Variants in CTNNA3 observed in about 807,000 individuals in gnomAD.
The protein encoded by CTNNA3 is catenin alpha 3.
CTNNA3 carries 76 observed loss-of-function variants against 95.7 expected under a neutral mutation model. That is an observed-to-expected ratio of 0.79 (90% CI 0.66 to 0.96). CTNNA3 has a LOEUF of 0.96. CTNNA3 is among the 40% of genes least tolerant of loss of function. CTNNA3 has a pLI of 0.00. For synonymous variants in CTNNA3, 431 were observed against 374.4 expected (o/e 1.15, Z -1.74); for missense variants, 1,191 against 1,089.8 (o/e 1.09, Z -1.31).
chr10:66,517,208 G>A (rs1840892861), intron 11 of CTNNA3, among the ~76,000 whole-genome samples: 1 of 152,012 alleles, frequency 6.6e-6, no homozygotes, highest in Admixed American at 6.6e-5. Context: ...GTGACACAGA[G>A]AGACTCTGTC....
intron 5 of CTNNA3, among the ~76,000 whole-genome samples, chr10:67,267,412 T>C (rs908071968): frequency 6.6e-6 from 1 of 152,212 alleles, no homozygotes; most frequent in African/African-American, 2.4e-5. Flanking sequence ...TTGCCCAGGC[T>C]GGAGTGCAGT....
At chr10:66,372,479 C>A (rs1417270206) in intron 12 of CTNNA3, among the ~76,000 whole-genome samples, 4 of 152,116 alleles carry the variant, frequency 2.6e-5, no homozygotes, top group Non-Finnish European at 5.9e-5. Context: ...ACAGCATGTT[C>A]CCATTCTCTG....
chr10:67,120,613 G>C (rs965924509), intron 7 of CTNNA3, among the ~76,000 whole-genome samples: 1 of 151,902 alleles, frequency 6.6e-6, no homozygotes, highest in Non-Finnish European at 1.5e-5. Context: ...GAAAATAAAA[G>C]ACTCAATATT....
At chr10:66,581,116 T>C (rs75566257) in intron 10 of CTNNA3, among the ~76,000 whole-genome samples, 1 of 151,766 alleles carries the variant, frequency 6.6e-6, no homozygotes, top group African/African-American at 2.4e-5. Context: ...CATGATAACA[T>C]ACATCACATT....
intron 13 of CTNNA3, among the ~76,000 whole-genome samples, chr10:66,190,484 G>A (rs1052082808): frequency 6.6e-6 from 1 of 152,110 alleles, no homozygotes; most frequent in Non-Finnish European, 1.5e-5. Flanking sequence ...CTTATGGTCT[G>A]AGTGGACTAG....
At chr10:67,710,456 G>C (rs1317278274) in intron 1 of CTNNA3, among the ~76,000 whole-genome samples, 1 of 152,158 alleles carries the variant, frequency 6.6e-6, no homozygotes, top group Non-Finnish European at 1.5e-5. Context: ...AGGAATGTGA[G>C]CTAGAAACCC....
intron 5 of CTNNA3, among the ~76,000 whole-genome samples, chr10:67,406,986 G>A (rs1232336059): frequency 1.3e-5 from 2 of 152,108 alleles, no homozygotes; most frequent in Non-Finnish European, 2.9e-5. Context: ...CTCTACCAGA[G>A]GTACAAAGAA....
At chr10:66,634,247 T>C (rs561186067) in intron 9 of CTNNA3, among the ~76,000 whole-genome samples, 65 of 152,174 alleles carry the variant, frequency 4.3e-4, no homozygotes, top group Non-Finnish European at 8.2e-4. Context: ...ATGACACTTA[T>C]TGCGAAGCCT....
intron 5 of CTNNA3, among the ~76,000 whole-genome samples, chr10:67,268,495 C>T (rs1438474409): frequency 6.6e-6 from 1 of 152,054 alleles, no homozygotes; most frequent in African/African-American, 2.4e-5. Flanking sequence ...CACTGGGCAA[C>T]AAAGGGAGAC....
At chr10:66,763,420 A>G (rs1839700895) in intron 9 of CTNNA3, among the ~76,000 whole-genome samples, 1 of 151,920 alleles carries the variant, frequency 6.6e-6, no homozygotes, top group Non-Finnish European at 1.5e-5. Flanking sequence ...TATGCCTAAA[A>G]ATCATTTTTA....
At chr10:67,222,440 C>T (rs1864705919) in intron 5 of CTNNA3, among the ~76,000 whole-genome samples, 2 of 152,130 alleles carry the variant, frequency 1.3e-5, no homozygotes, top group African/African-American at 2.4e-5. Context: ...CTTCTGCCGA[C>T]CCTCTCACAA....
At chr10:67,376,615 A>G (rs562740566) in intron 5 of CTNNA3, among the ~76,000 whole-genome samples, 1 of 152,212 alleles carries the variant, frequency 6.6e-6, no homozygotes, top group Non-Finnish European at 1.5e-5. Context: ...TAATTGACCC[A>G]CTGTTCACAC....
intron 1 of CTNNA3, among the ~76,000 whole-genome samples, chr10:67,715,057 A>G (rs866423919): frequency 1.3e-5 from 2 of 152,214 alleles, no homozygotes; most frequent in African/African-American, 4.8e-5. Context: ...CTTCCTGAGC[A>G]CAATTGAGAG....
intron 5 of CTNNA3, among the ~76,000 whole-genome samples, chr10:67,280,708 T>C (rs775604315): frequency 5.7e-4 from 87 of 152,232 alleles, no homozygotes; most frequent in Non-Finnish European, 8.5e-4. Context: ...AAGAAGACCC[T>C]GTGCAGGTTC....
intron 5 of CTNNA3, among the ~76,000 whole-genome samples, chr10:67,485,900 C>T (rs1217604136): frequency 6.6e-6 from 1 of 152,164 alleles, no homozygotes; most frequent in Non-Finnish European, 1.5e-5. Context: ...GGAAACACTT[C>T]TTTGTTGGTT....
At chr10:67,695,602 G>C (rs1840949314) in intron 1 of CTNNA3, among the ~76,000 whole-genome samples, 1 of 152,054 alleles carries the variant, frequency 6.6e-6, no homozygotes, top group African/African-American at 2.4e-5. Flanking sequence ...TTAGCTTTTG[G>C]TTGAAAGTAA....
At chr10:67,268,328 T>C (rs1866913053) in intron 5 of CTNNA3, among the ~76,000 whole-genome samples, 2 of 149,242 alleles carry the variant, frequency 1.3e-5, no homozygotes, top group African/African-American at 2.5e-5. Flanking sequence ...TTAAATTAAA[T>C]TAAATTAAAT....
At chr10:66,872,373 A>C (rs1270973089) in intron 7 of CTNNA3, among the ~76,000 whole-genome samples, 1 of 152,134 alleles carries the variant, frequency 6.6e-6, no homozygotes, top group Non-Finnish European at 1.5e-5. Flanking sequence ...GTTATTTTTC[A>C]AAAAAATAAT....
At chr10:66,783,586 C>T (rs917888188) in intron 7 of CTNNA3, among the ~76,000 whole-genome samples, 62 of 152,128 alleles carry the variant, frequency 4.1e-4, no homozygotes, top group Non-Finnish European at 7.1e-4. Flanking sequence ...TCTGTACGAA[C>T]GTGGAGAAAT....
Sources: gnomAD v4.1 joint callset for allele counts (sites outside exome capture counted in the v4.1 genomes callset) on GRCh38, gnomAD v4.1.1 for gene constraint, MANE v1.5 for transcripts, NCBI Gene and HGNC (gene_info 2026-07-23, HGNC 2026-07-21) for gene names.